SEMA3E: variants seen among roughly 807,000 people sequenced by gnomAD.
SEMA3E encodes the protein semaphorin 3E.
In SEMA3E, 49 loss-of-function variants were observed where a neutral mutation model predicts 93.6. The ratio of observed to expected loss-of-function variants is 0.52; its 90% CI spans 0.42 to 0.66. The LOEUF (loss-of-function observed/expected upper bound fraction) is 0.66. Ranked by LOEUF, SEMA3E falls within the 30% of genes least tolerant of loss-of-function variation. SEMA3E has a pLI of 0.00. For synonymous variants in SEMA3E, 363 were observed against 330.7 expected (o/e 1.10, Z -1.06); for missense variants, 906 against 964.8 (o/e 0.94, Z 0.81).
At chr7:83,506,645 T>C (rs1790711383) in intron 1 of SEMA3E, among the ~76,000 whole-genome samples, 1 of 152,122 alleles carries the variant, frequency 6.6e-6, no homozygotes, top group African/African-American at 2.4e-5. Flanking sequence ...AAATATAACT[T>C]AGGTCATGCT....
At chr7:83,461,638 C>T (rs1368291515) in intron 4 of SEMA3E, among the ~76,000 whole-genome samples, 1 of 152,002 alleles carries the variant, frequency 6.6e-6, no homozygotes, top group African/African-American at 2.4e-5. Flanking sequence ...AACCCTGAGA[C>T]ACTTTACAGC....
chr7:83,459,948 C>T (rs1192660588), intron 4 of SEMA3E, among the ~76,000 whole-genome samples: 2 of 152,152 alleles, frequency 1.3e-5, no homozygotes, highest in Admixed American at 1.3e-4. Context: ...GAACAAACCC[C>T]TTTTGACTGG....
chr7:83,567,658 A>G (rs1000570538), intron 1 of SEMA3E, among the ~76,000 whole-genome samples: 3 of 152,196 alleles, frequency 2.0e-5, no homozygotes, highest in Non-Finnish European at 4.4e-5. Context: ...CTGAATGACC[A>G]TTGAGTCAAA....
chr7:83,449,057 T>A (rs759921539), intron 4 of SEMA3E, among the ~76,000 whole-genome samples: 1 of 151,932 alleles, frequency 6.6e-6, no homozygotes, highest in Non-Finnish European at 1.5e-5. Context: ...TGAATTTTTA[T>A]ACAATTAAAT....
intron 4 of SEMA3E, among the ~76,000 whole-genome samples, chr7:83,456,209 G>C (rs1352117350): frequency 6.6e-6 from 1 of 152,178 alleles, no homozygotes; most frequent in African/African-American, 2.4e-5. Flanking sequence ...CAATTCTCTA[G>C]AAATATGTGC....
Position 83,367,701 on chromosome 7 carries a change from T to C in SEMA3E, c.2213A>G (p.Lys738Arg). Residue 738 changes from lysine to arginine, a missense_variant, in exon 17 of 17, where the codon AAG becomes AGG. Coordinates refer to ENST00000643230, the MANE Select transcript of SEMA3E (RefSeq NM_012431.3). ...GGGTGACATTTTAAGCTTTTTCCTC[T>C]TTCTATCTGTGCACCATACTTTCTC... The part of the protein sequence containing the change: ...YCEKVWCTDR[K>R]RKKLKMSPSK... 3 of 1,614,114 alleles carry C rather than the reference T, an allele frequency of 1.9e-6. No homozygotes were observed. Among genetic ancestry groups the C allele is most frequent in the Admixed American group, 1.7e-5 (1 of 60,024 alleles).
chr7:83,498,670 G>A (rs1234868100), intron 1 of SEMA3E, among the ~76,000 whole-genome samples: 1 of 151,858 alleles, frequency 6.6e-6, no homozygotes, highest in African/African-American at 2.4e-5. Context: ...GTAGAGACGG[G>A]GTCTCACCAT....
intron 13 of SEMA3E, among the ~76,000 whole-genome samples, chr7:83,393,063 G>A (rs1000341041): frequency 7.0e-6 from 1 of 142,394 alleles, no homozygotes; most frequent in Non-Finnish European, 1.5e-5. Flanking sequence ...AAAAATTATA[G>A]CAGTTGTTCA....
At chr7:83,633,046 C>T (rs78867617) in intron 1 of SEMA3E, among the ~76,000 whole-genome samples, 7,131 of 151,770 alleles carry the variant, frequency 0.047, 455 homozygotes, top group African/African-American at 0.14. Context: ...TTTTAATGAA[C>T]GATTTTGTTG....
At chr7:83,466,382 T>C in intron 4 of SEMA3E, 100 bp downstream of exon 4, 8 of 1,411,766 alleles carry the variant, frequency 5.7e-6, no homozygotes, top group Admixed American at 1.7e-5. Context: ...ACATCGCAAA[T>C]GCTTTTATCT....
At chr7:83,627,213 TC>T (rs1254471405) in intron 1 of SEMA3E, among the ~76,000 whole-genome samples, 1 of 152,204 alleles carries the variant, frequency 6.6e-6, no homozygotes, top group Admixed American at 6.5e-5. Context: ...TAGATGTCTA[TC>T]AGGTCCACTT....
chr7:83,442,805 G>C (rs2115789785), intron 4 of SEMA3E, among the ~76,000 whole-genome samples: 1 of 152,178 alleles, frequency 6.6e-6, no homozygotes, highest in East Asian at 1.9e-4. Flanking sequence ...GAGTTTACCA[G>C]AACTTCTATG....
intron 1 of SEMA3E, among the ~76,000 whole-genome samples, chr7:83,638,413 A>G (rs1793924151): frequency 6.6e-6 from 1 of 152,172 alleles, no homozygotes; most frequent in Non-Finnish European, 1.5e-5. Flanking sequence ...GAATTTTTGA[A>G]TTTTATAAAA....
chr7:83,532,423 C>A (rs1791320629), intron 1 of SEMA3E, among the ~76,000 whole-genome samples: 1 of 152,174 alleles, frequency 6.6e-6, no homozygotes. Flanking sequence ...TAGAGAGAAG[C>A]ACTTAGTAGT....
chr7:83,514,510 A>G (rs1476766932), intron 1 of SEMA3E, among the ~76,000 whole-genome samples: 1 of 152,096 alleles, frequency 6.6e-6, no homozygotes, highest in Non-Finnish European at 1.5e-5. Flanking sequence ...TGTAATTTTT[A>G]AAAAAGATCT....
At position 83,459,991 on chromosome 7, in the gene SEMA3E, C is replaced by T. The variant is rs1212986416; in HGVS notation, c.456+6491G>A. Reference sequence around the variant, plus strand: ...CTTTACCTACCCAAATCCTATAAAACGGCCCCACCCTTATCTCCCTTCGCT... The same window carrying T: ...CTTTACCTACCCAAATCCTATAAAATGGCCCCACCCTTATCTCCCTTCGCT... On this transcript the variant is annotated intron_variant, in intron 4 of 16. Transcript: ENST00000643230. Among the ~76,000 whole-genome samples the T allele has an allele frequency of 2.0e-5, 3 of 152,244 alleles. No homozygotes were observed. In the East Asian group the frequency reaches 5.8e-4, roughly 29 times the overall value.
intron 4 of SEMA3E, among the ~76,000 whole-genome samples, chr7:83,447,316 C>T (rs764404437): frequency 3.3e-5 from 5 of 152,210 alleles, no homozygotes; most frequent in Non-Finnish European, 5.9e-5. Context: ...GTGGGTGGAT[C>T]ACGAGGTCAG....
At chr7:83,373,296 A>G (rs1324380177) in intron 16 of SEMA3E, among the ~76,000 whole-genome samples, 1 of 152,176 alleles carries the variant, frequency 6.6e-6, no homozygotes, top group African/African-American at 2.4e-5. Context: ...TTGAGAATAC[A>G]TTTAATAATA....
chr7:83,381,323 G>C (rs1410665906), intron 16 of SEMA3E, among the ~76,000 whole-genome samples: 1 of 151,954 alleles, frequency 6.6e-6, no homozygotes, highest in African/African-American at 2.4e-5. Context: ...TCACTCAGCT[G>C]TTCTTTGAGT....
Sources: gnomAD v4.1 joint callset for allele counts (sites outside exome capture counted in the v4.1 genomes callset) on GRCh38, gnomAD v4.1.1 for gene constraint, MANE v1.5 for transcripts, NCBI Gene and HGNC (gene_info 2026-07-23, HGNC 2026-07-21) for gene names.